SLC25A18: variants seen among roughly 807,000 people sequenced by gnomAD.
SLC25A18 encodes the protein mitochondrial glutamate carrier 2.
A neutral mutation model predicts 31.1 loss-of-function variants in SLC25A18; 24 were observed. The ratio of observed to expected loss-of-function variants is 0.77; its 90% CI spans 0.56 to 1.08. The LOEUF is 1.08. SLC25A18 is among the 50% of genes least tolerant of loss of function. The probability of loss-of-function intolerance (pLI) is 0.00; values close to 1 mark genes in which losing one functional copy is unlikely to be tolerated. For missense variants in SLC25A18, 371 were observed against 418.5 expected, an observed-to-expected ratio of 0.89 and a Z score of 0.99; for synonymous variants, 173 against 161.9, an observed-to-expected ratio of 1.07 and a Z score of -0.52.
At chr22:17,583,633 G>A in intron 7 of SLC25A18, 99 bp downstream of exon 7, 1 of 1,472,668 alleles carries the variant, frequency 6.8e-7, no homozygotes, top group Non-Finnish European at 9.1e-7. Flanking sequence ...TGTGTGACCA[G>A]TCAACTTTCC....
rs1174956803 is a variant in SLC25A18 at position 17,563,689 on chromosome 22, C to T, written c.-288C>T. The T allele has an allele frequency of 6.1e-6, 6 of 985,204 alleles. No homozygotes were observed. The highest frequency in any genetic ancestry group is 7.2e-6 in the Non-Finnish European group (6 of 829,926). The allele number at this position is 985,204 out of a possible 1,614,324, so 61.0% of individuals were successfully genotyped here. A position where few individuals can be genotyped will look rare whatever the true frequency, so the allele number is the denominator to read the frequency against. On this transcript the variant is annotated 5_prime_UTR_variant, in exon 1 of 11. Transcript: ENST00000327451. ...GTGCCTCAACAACTGAGATGAACGT[C>T]GACTCGCTTGCAGGCAAGTTGTCAG...
Position 17,582,579 on chromosome 22 carries a change from C to T in SLC25A18, c.216C>T (p.Leu72=). Residue 72 remains leucine (L), a synonymous_variant, in exon 6 of 11, where the codon CTC becomes CTT. Transcript: ENST00000327451. ...FGMYRGAAVN[L]TLVTPEKAIK... is the part of the protein sequence containing the mutation. ...CACTTCCAGGGGCTGCAGTGAACCT[C>T]ACTCTGGTCACTCCAGAGAAGGCCA... The T allele has an allele frequency of 1.3e-6, 2 of 1,599,698 alleles. No homozygotes were observed. Among genetic ancestry groups the T allele is most frequent in the Non-Finnish European group, 1.7e-6 (2 of 1,172,250 alleles).
chr22:17,572,196 AG>A (rs2057107281), intron 2 of SLC25A18, among the ~76,000 whole-genome samples: 1 of 151,622 alleles, frequency 6.6e-6, no homozygotes, highest in African/African-American at 2.4e-5. Flanking sequence ...CAAAAAAAGG[AG>A]AATCGGCTGG....
At chr22:17,571,391 C>T (rs1017788896) in intron 2 of SLC25A18, among the ~76,000 whole-genome samples, 7 of 152,196 alleles carry the variant, frequency 4.6e-5, no homozygotes, top group South Asian at 4.1e-4. Flanking sequence ...AACTCCAGCA[C>T]GCTCCTCCCT....
chr22:17,590,398 T>G lies in SLC25A18; in HGVS notation c.*162T>G. 1 of 789,026 alleles carries G rather than the reference T, an allele frequency of 1.3e-6. No homozygotes were observed. The highest frequency in any genetic ancestry group is 3.9e-4 in the Middle Eastern group (1 of 2,562). The allele number at this position is 789,026 out of a possible 1,614,324, so 48.9% of individuals were successfully genotyped here. A position where few individuals can be genotyped will look rare whatever the true frequency, so the allele number is the denominator to read the frequency against. ...GAAACAGCCCTATATTCTAACAAGTTGAGCACAGCCTTCTTCCCCTTCGTG... is the reference window on the plus strand; with the variant it reads ...GAAACAGCCCTATATTCTAACAAGTGGAGCACAGCCTTCTTCCCCTTCGTG... On this transcript the variant is annotated 3_prime_UTR_variant, in exon 11 of 11. Coordinates refer to ENST00000327451, the MANE Select transcript of SLC25A18 (RefSeq NM_031481.3).
chr22:17,569,219 A>G (rs1175310825), intron 1 of SLC25A18, among the ~76,000 whole-genome samples: 1 of 151,914 alleles, frequency 6.6e-6, no homozygotes, highest in Admixed American at 6.6e-5. Flanking sequence ...CATGTTAGCC[A>G]GGATGGTCTC....
At chr22:17,578,222 C>A (rs1419725618) in intron 2 of SLC25A18, among the ~76,000 whole-genome samples, 1 of 152,216 alleles carries the variant, frequency 6.6e-6, no homozygotes, top group Non-Finnish European at 1.5e-5. Flanking sequence ...CCACCCGCCT[C>A]AGCCTCCCAA....
intron 1 of SLC25A18, among the ~76,000 whole-genome samples, chr22:17,565,822 G>A (rs367880164): frequency 1.3e-5 from 2 of 152,098 alleles, no homozygotes; most frequent in African/African-American, 2.4e-5. Flanking sequence ...AGCCGAGATC[G>A]TGCCATTGCA....
intron 2 of SLC25A18, among the ~76,000 whole-genome samples, chr22:17,577,959 G>A (rs911529062): frequency 1.3e-5 from 2 of 150,398 alleles, no homozygotes; most frequent in Non-Finnish European, 2.9e-5. Context: ...TTACAGGCAT[G>A]AGCCACTGCG....
chr22:17,578,655 G>T (rs575916744), intron 2 of SLC25A18, among the ~76,000 whole-genome samples: 1 of 152,216 alleles, frequency 6.6e-6, no homozygotes, highest in Non-Finnish European at 1.5e-5. Context: ...CTCTGGCCAG[G>T]CATGGTGGCT....
In SLC25A18 at chr22:17,570,005, T is replaced by C. The variant is rs935722078; in HGVS notation, c.-201+19T>C. The C allele has an allele frequency of 1.8e-5, 18 of 985,248 alleles. No individual in the cohort carries two copies. Among genetic ancestry groups the C allele is most frequent in the African/African-American group, 3.5e-5 (2 of 57,212 alleles). 61.0% of individuals were successfully genotyped at this position (985,248 alleles called of 1,614,324 possible). A position where few individuals can be genotyped will look rare whatever the true frequency, so the allele number is the denominator to read the frequency against. On this transcript the variant is annotated intron_variant, in intron 2 of 10. Transcript: ENST00000327451. ...AAAGCAGGTAAGTGTCTTGTCTGTC[T>C]GCATCAAGCTCAGAGTTGGTAGGAA... is the stretch of plus-strand genomic sequence containing the variant.
At chr22:17,582,531 C>T (rs887741734) in intron 5 of SLC25A18, 32 bp from the exon 6 acceptor site, 1 of 1,542,422 alleles carries the variant, frequency 6.5e-7, no homozygotes, top group African/African-American at 1.4e-5. Flanking sequence ...TCTGGGATGG[C>T]CTTGACTCCC....
chr22:17,577,828 C>T (rs1192715610), intron 2 of SLC25A18, among the ~76,000 whole-genome samples: 1 of 151,102 alleles, frequency 6.6e-6, no homozygotes, highest in Non-Finnish European at 1.5e-5. Context: ...ATCCTCCCGC[C>T]ACCATGCCCA....
chr22:17,566,312 A>G (rs1364712423), intron 1 of SLC25A18, among the ~76,000 whole-genome samples: 6 of 151,994 alleles, frequency 3.9e-5, no homozygotes, highest in African/African-American at 1.2e-4. Flanking sequence ...GCGTGTTTCA[A>G]ATCTGATACC....
At chr22:17,581,509 C>T in intron 5 of SLC25A18, 96 bp downstream of exon 5, 5 of 1,346,796 alleles carry the variant, frequency 3.7e-6, no homozygotes, top group Non-Finnish European at 5.2e-6. Flanking sequence ...GGGATGGGGC[C>T]AGGGCTGCCA....
At chr22:17,581,260 G>A in intron 4 of SLC25A18, 98 bp from the exon 5 acceptor site, 1 of 1,584,310 alleles carries the variant, frequency 6.3e-7, no homozygotes, top group Non-Finnish European at 8.6e-7. Context: ...CCTGGGGGCT[G>A]GGGATCTGAT....
rs183777945 is a variant in SLC25A18, at chr22:17,587,781, G to A, written c.576-144G>A. 3.3e-4 allele frequency: 321 copies of A among 979,992 alleles called. No individual in the cohort carries two copies. In the East Asian group the frequency reaches 6.5e-3, roughly 20 times the overall value. 60.7% of individuals were successfully genotyped at this position (979,992 alleles called of 1,614,324 possible). The stretch of plus-strand genomic sequence containing the variant: ...TTGTCCCCTGCTGTCCCTCACCCAC[G>A]CTCACGGGGCACAAAAGAAGGGATG... On this transcript the variant is annotated intron_variant, in intron 8 of 10. Transcript: ENST00000327451.
chr22:17,569,218 C>A (rs2079504474), intron 1 of SLC25A18, among the ~76,000 whole-genome samples: 1 of 152,032 alleles, frequency 6.6e-6, no homozygotes, highest in Admixed American at 6.5e-5. Flanking sequence ...CCATGTTAGC[C>A]AGGATGGTCT....
At chr22:17,571,758 G>GA (rs796501629) in intron 2 of SLC25A18, among the ~76,000 whole-genome samples, 3,155 of 91,498 alleles carry the variant, frequency 0.034, 79 homozygotes, top group African/African-American at 0.088. Context: ...GTCTCAAAAA[G>GA]AAAAAAAAAA....
Sources: allele counts gnomAD v4.1 joint callset (sites outside exome capture counted in the v4.1 genomes callset), GRCh38; gene constraint gnomAD v4.1.1; transcripts MANE v1.5; gene names NCBI Gene and HGNC (gene_info 2026-07-23, HGNC 2026-07-21).